The following SLC4A2 variants were observed in gnomAD, a reference collection of about 807,000 sequenced individuals.
SLC4A2 encodes solute carrier family 4 member 2.
In SLC4A2, 36 loss-of-function variants were observed where a neutral mutation model predicts 115.0. The ratio of observed to expected loss-of-function variants is 0.31; its 90% CI spans 0.24 to 0.41. SLC4A2 has a LOEUF of 0.41. Ranked by LOEUF, SLC4A2 falls within the 10% of genes least tolerant of loss-of-function variation. SLC4A2 has a pLI of 1.00. For synonymous variants in SLC4A2, 708 were observed against 708.3 expected (o/e 1.00, Z 0.01); for missense variants, 1,252 against 1,705.6 (o/e 0.73, Z 4.68).
At chr7:151,066,400 G>A in intron 5 of SLC4A2, 117 bp from the exon 6 acceptor site, 2 of 1,256,074 alleles carry the variant, frequency 1.6e-6, no homozygotes, top group Non-Finnish European at 2.1e-6. Context: ...CCGGGAGTGG[G>A]AGCTAGGAGG....
At position 151,070,756 on chromosome 7, in the gene SLC4A2, A is replaced by G; in HGVS notation, c.1594A>G (p.Met532Val). 1 of 1,613,790 alleles carries G rather than the reference A, an allele frequency of 6.2e-7. No individual in the cohort carries two copies. The highest frequency in any genetic ancestry group is 2.2e-5 in the East Asian group (1 of 44,862). ...GCVEFLSRPT[M>V]AFVRLREAVE... The stretch of plus-strand genomic sequence containing the variant: ...CGTGGAGTTCCTCTCCCGCCCCACC[A>G]TGGCCTTTGTGCGGCTCCGGGAGGC... The change falls in exon 12 of 23, where the codon ATG becomes GTG. Residue 532 changes from methionine (M) to valine (V), a missense_variant. Transcript: ENST00000413384.
At chr7:151,062,648 C>A in intron 2 of SLC4A2, 1 of 1,524,360 alleles carries the variant, frequency 6.6e-7, no homozygotes, top group East Asian at 2.5e-5. Flanking sequence ...CCATGGACTT[C>A]CTCCTGCGGC....
At chr7:151,063,126 A>T in intron 2 of SLC4A2, 1 of 1,434,156 alleles carries the variant, frequency 7.0e-7, no homozygotes, top group South Asian at 1.2e-5. Flanking sequence ...GAGCTCTTAC[A>T]AGCGCCGCAT....
chr7:151,058,263 C>G (rs1796948145), upstream of SLC4A2: 1 of 254,158 alleles, frequency 3.9e-6, no homozygotes, highest in Admixed American at 5.0e-5. Context: ...CAGAATGCAG[C>G]GGAAATGGGG....
chr7:151,062,737 G>A (rs921128957), intron 2 of SLC4A2: 2 of 1,400,454 alleles, frequency 1.4e-6, no homozygotes, highest in African/African-American at 1.5e-5. Context: ...CTCGTCCCAC[G>A]GGGCTGCTTC....
Position 151,075,274 on chromosome 7 carries a change from G to T in SLC4A2, c.3067G>T (p.Glu1023Ter). The change falls in exon 20 of 23, where the codon GAG (glutamate) becomes TAG (stop). Residue 1023 changes from glutamate to a stop codon, truncating the protein, a stop_gained. Coordinates refer to ENST00000413384, the MANE Select transcript of SLC4A2 (RefSeq NM_003040.4). LOFTEE classifies it high-confidence loss of function. ...QITTLIISKK[E>*]RMLQKGSGFH... is the part of the protein sequence containing the mutation. ...TCTCAGGCTCATCATCTCCAAGAAGGAGCGCATGCTGCAGAAGGGCTCCGG... is the reference window on the plus strand; with the variant it reads ...TCTCAGGCTCATCATCTCCAAGAAGTAGCGCATGCTGCAGAAGGGCTCCGG... 6.2e-7 allele frequency: 1 copy of T among 1,613,166 alleles called. No individual in the cohort carries two copies. Among genetic ancestry groups the T allele is most frequent in the Non-Finnish European group, 8.5e-7 (1 of 1,180,004 alleles).
intron 2 of SLC4A2, chr7:151,062,542 G>A: frequency 1.4e-6 from 2 of 1,396,016 alleles, no homozygotes; most frequent in Non-Finnish European, 1.9e-6. Flanking sequence ...GCCACAATCA[G>A]CTCCGCTATT....
At chr7:151,062,469 G>T (rs538211289) in intron 2 of SLC4A2, 225 of 589,326 alleles carry the variant, frequency 3.8e-4, no homozygotes, top group Non-Finnish European at 4.9e-4. Flanking sequence ...CTGCCCCCAC[G>T]TGGCCACCGC....
chr7:151,076,444 CT>C lies in SLC4A2; in HGVS notation c.*78del. 8.8e-7 allele frequency: 1 copy of C among 1,134,688 alleles called. No homozygotes were observed. The highest frequency in any genetic ancestry group is 1.8e-5 in the South Asian group (1 of 55,808). 70.3% of individuals were successfully genotyped at this position (1,134,688 alleles called of 1,614,324 possible). A position where few individuals can be genotyped will look rare whatever the true frequency, so the allele number is the denominator to read the frequency against. ...GGATGGGGTTCCCCCTCCCATGCCC[CT>C]CCCTCCTTTTTATTTAAGTGAATAA... On this transcript the variant is annotated 3_prime_UTR_variant, in exon 23 of 23. Coordinates refer to ENST00000413384, the MANE Select transcript of SLC4A2 (RefSeq NM_003040.4).
Position 151,071,521 on chromosome 7 carries a change from G to T in SLC4A2, c.2107G>T (p.Ala703Ser). The T allele has an allele frequency of 1.2e-6, 2 of 1,613,956 alleles. No homozygotes were observed. The highest frequency in any genetic ancestry group is 1.1e-5 in the South Asian group (1 of 91,084). Residue 703 changes from alanine to serine, a missense_variant, in exon 14 of 23, where the codon GCA (alanine) becomes TCA (serine). By Grantham distance (99) the Ala-to-Ser change is moderately conservative. Around this residue, in one of 14 missense-constraint regions of SLC4A2, gnomAD observed 122 missense variants for 116.8 expected, o/e 1.04. Transcript: ENST00000413384. The surrounding 1 kb of genome is among the most constrained non-coding windows in gnomAD (Gnocchi z 5.5). ...CCACTACCTGAGTGACTTCCGAGATGCACTTGACCCTCAGTGCCTGGCCGC... is the reference window on the plus strand; with the variant it reads ...CCACTACCTGAGTGACTTCCGAGATTCACTTGACCCTCAGTGCCTGGCCGC... ...YPHYLSDFRD[A>S]LDPQCLAAVI... is the part of the protein sequence containing the mutation.
intron 5 of SLC4A2, 45 bp from the exon 6 acceptor site, chr7:151,066,472 G>T (rs888420897): frequency 1.4e-6 from 2 of 1,459,754 alleles, no homozygotes; most frequent in African/African-American, 2.8e-5. Flanking sequence ...GGGCGTGGGG[G>T]AGGAGGCCAG....
intron 22 of SLC4A2, 34 bp from the exon 23 acceptor site, chr7:151,076,253 C>T (rs760277876): frequency 6.3e-7 from 1 of 1,587,558 alleles, no homozygotes; most frequent in African/African-American, 1.3e-5. Flanking sequence ...GGCCCCCCCA[C>T]TTCCCTTCTT....
chr7:151,072,899 A>G (rs1797488970), intron 16 of SLC4A2, among the ~76,000 whole-genome samples: 1 of 151,754 alleles, frequency 6.6e-6, no homozygotes, highest in African/African-American at 2.4e-5. Flanking sequence ...CCTGGCCTCA[A>G]GTGATCCGCC....
chr7:151,074,295 T>C lies in SLC4A2; in HGVS notation c.2790+2T>C, dbSNP rs1257368465. On this transcript the variant is annotated splice_donor_variant, in intron 17 of 22. Coordinates refer to ENST00000413384, the MANE Select transcript of SLC4A2 (RefSeq NM_003040.4). LOFTEE classifies it high-confidence loss of function. ...AACAGCCGGTTCTTTCCTGGCCGGG[T>C]GCGTGGGCTTAAAGGCCAAGAGGGG... is the stretch of plus-strand genomic sequence containing the variant. The C allele has an allele frequency of 6.2e-7, 1 of 1,607,932 alleles. No individual in the cohort carries two copies. The highest frequency in any genetic ancestry group is 8.5e-7 in the Non-Finnish European group (1 of 1,178,660).
At chr7:151,067,229 C>T (rs1797266661) in intron 7 of SLC4A2, among the ~76,000 whole-genome samples, 2 of 152,344 alleles carry the variant, frequency 1.3e-5, no homozygotes, top group South Asian at 4.1e-4. Flanking sequence ...GCTGGGATTA[C>T]AGGCACCTGC....
At chr7:151,059,418 G>A (rs1347145105), upstream of SLC4A2, among the ~76,000 whole-genome samples, 1 of 152,112 alleles carries the variant, frequency 6.6e-6, no homozygotes, top group Non-Finnish European at 1.5e-5. The surrounding 1 kb of genome is among the most constrained non-coding windows in gnomAD (Gnocchi z 5.8). Flanking sequence ...ATGGAGCCAA[G>A]GGACGGCATC....
intron 16 of SLC4A2, 122 bp from the exon 17 acceptor site, chr7:151,073,917 C>T: frequency 1.9e-6 from 2 of 1,063,608 alleles, no homozygotes; most frequent in South Asian, 3.1e-5. Context: ...TTCAACAAGA[C>T]AAGCTCCTTG....
rs1237641667 is a variant in SLC4A2 at position 151,074,424 on chromosome 7, G to T, written c.2816G>T (p.Gly939Val). 1 of 1,614,016 alleles carries T rather than the reference G, an allele frequency of 6.2e-7. No homozygotes were observed. The highest frequency in any genetic ancestry group is 2.2e-5 in the East Asian group (1 of 44,888). ...GRIRRVIGDF[G>V]VPIAILIMVL... is the part of the protein sequence containing the mutation. ...ATCCGGCGGGTGATTGGGGACTTTG[G>T]GGTGCCCATCGCCATCCTCATCATG... The change falls in exon 18 of 23, where the codon GGG (glycine) becomes GTG (valine). Residue 939 changes from glycine to valine, a missense_variant. Coordinates refer to ENST00000413384, the MANE Select transcript of SLC4A2 (RefSeq NM_003040.4).
intron 2 of SLC4A2, among the ~76,000 whole-genome samples, chr7:151,063,585 G>A (rs1797128235): frequency 6.7e-6 from 1 of 149,112 alleles, no homozygotes; most frequent in African/African-American, 2.5e-5. Flanking sequence ...TGGGGGGACT[G>A]GGTCTCTGCA....
Sources: gnomAD v4.1 joint callset for allele counts (sites outside exome capture counted in the v4.1 genomes callset) on GRCh38, gnomAD v4.1.1 for gene constraint, gnomAD v4.1.1 regional missense constraint, Gnocchi (gnomAD v3.1) non-coding constraint, MANE v1.5 for transcripts, NCBI Gene and HGNC (gene_info 2026-07-23, HGNC 2026-07-21) for gene names.